Variants in LOC728743 observed in about 807,000 individuals in gnomAD.
chr7:150,410,115 T>A, the LOC728743 span: 5 of 398,764 alleles, frequency 1.3e-5, no homozygotes, highest in Non-Finnish European at 1.8e-5. Context: ...CAGGGCCATG[T>A]CACGGCTCCA....
the LOC728743 span, chr7:150,408,473 A>G: frequency 3.1e-6 from 1 of 317,506 alleles, no homozygotes; most frequent in Non-Finnish European, 5.7e-6. Context: ...TCTCTGGCCC[A>G]TCCGGCCTAG....
At chr7:150,408,058 G>GCCCGCGCCGCA in the LOC728743 span, 2 of 387,284 alleles carry the variant, frequency 5.2e-6, no homozygotes, top group Non-Finnish European at 9.1e-6. Flanking sequence ...ACGCGCGCAT[G>GCCCGCGCCGCA]CCCGCGCCGC....
At chr7:150,407,324 G>A in the LOC728743 span, among the ~76,000 whole-genome samples, 1 of 152,194 alleles carries the variant, frequency 6.6e-6, no homozygotes, top group Non-Finnish European at 1.5e-5. Flanking sequence ...TTTAAGCCCG[G>A]GGTGGAAAGG....
the LOC728743 span, among the ~76,000 whole-genome samples, chr7:150,402,601 G>A: frequency 2.6e-5 from 4 of 152,336 alleles, no homozygotes; most frequent in East Asian, 7.7e-4. Context: ...TAACCTGGTG[G>A]GGAAAACAAA....
the LOC728743 span, among the ~76,000 whole-genome samples, chr7:150,402,463 G>A: frequency 6.6e-6 from 1 of 152,180 alleles, no homozygotes; most frequent in African/African-American, 2.4e-5. Context: ...TCTCTGCGCC[G>A]CCTGAGCTAT....
the LOC728743 span, chr7:150,410,589 G>A: frequency 0.016 from 2,919 of 186,810 alleles, 85 homozygotes; most frequent in African/African-American, 0.063. Flanking sequence ...CCTGGTTCTA[G>A]AGGCAAAACC....
At chr7:150,403,463 G>GA in the LOC728743 span, among the ~76,000 whole-genome samples, 1 of 152,198 alleles carries the variant, frequency 6.6e-6, no homozygotes, top group African/African-American at 2.4e-5. This position sits in a 1 kb window ranked among gnomAD's most constrained non-coding sequence, Gnocchi z 5.1. Context: ...TTTTGCTTTT[G>GA]AAAAACATGG....
chr7:150,410,186 C>G, the LOC728743 span: 1 of 398,608 alleles, frequency 2.5e-6, no homozygotes. Flanking sequence ...ATCTTAAGAC[C>G]CGATAGGTGC....
At chr7:150,408,275 C>T in the LOC728743 span, 2 of 376,624 alleles carry the variant, frequency 5.3e-6, no homozygotes, top group African/African-American at 2.1e-5. Flanking sequence ...ACGTGCGTCC[C>T]CGACCCCTGG....
the LOC728743 span, chr7:150,405,240 G>T: frequency 1.3e-5 from 2 of 152,186 alleles, no homozygotes; most frequent in Non-Finnish European, 1.5e-5. Flanking sequence ...CCAGCCTCAC[G>T]GGGCTGCTGT....
the LOC728743 span, chr7:150,408,223 A>G: frequency 2.6e-6 from 1 of 390,888 alleles, no homozygotes; most frequent in Non-Finnish European, 4.5e-6. Context: ...GCGTGCTATG[A>G]TGCGCCCGGG....
At chr7:150,408,476 C>T in the LOC728743 span, 2 of 310,942 alleles carry the variant, frequency 6.4e-6, no homozygotes, top group East Asian at 5.1e-5. Context: ...CTGGCCCATC[C>T]GGCCTAGAGC....
chr7:150,406,237 G>C, the LOC728743 span, among the ~76,000 whole-genome samples: 15 of 152,210 alleles, frequency 9.9e-5, 1 homozygote, highest in Non-Finnish European at 2.2e-4. Context: ...TGGAAGTGAA[G>C]AGAGGCCTTC....
At chr7:150,403,841 C>T in the LOC728743 span, among the ~76,000 whole-genome samples, 7 of 152,102 alleles carry the variant, frequency 4.6e-5, no homozygotes, top group East Asian at 1.9e-4. This position sits in a 1 kb window ranked among gnomAD's most constrained non-coding sequence, Gnocchi z 5.1. Flanking sequence ...ACAAGCCAGA[C>T]GGGTGGGGCC....
At chr7:150,406,777 G>C in the LOC728743 span, among the ~76,000 whole-genome samples, 1 of 152,174 alleles carries the variant, frequency 6.6e-6, no homozygotes, top group Non-Finnish European at 1.5e-5. Flanking sequence ...GCTCAGCCTT[G>C]GGCCAGGCTT....
the LOC728743 span, chr7:150,411,158 G>A: frequency 3.3e-5 from 5 of 152,346 alleles, no homozygotes; most frequent in African/African-American, 1.2e-4. Context: ...ATTTCACTGT[G>A]TGGTCTCAGG....
the LOC728743 span, among the ~76,000 whole-genome samples, chr7:150,406,680 AAC>A: frequency 6.6e-6 from 1 of 152,278 alleles, no homozygotes; most frequent in African/African-American, 2.4e-5. Context: ...ATTTAAGAGG[AAC>A]ACAGTGTCCT....
At chr7:150,409,752 C>T in the LOC728743 span, among the ~76,000 whole-genome samples, 7 of 151,928 alleles carry the variant, frequency 4.6e-5, no homozygotes, top group South Asian at 2.1e-4. Flanking sequence ...GCTGGGGCTT[C>T]GAGGGGACCT....
chr7:150,412,003 G>A, the LOC728743 span: 6 of 152,462 alleles, frequency 3.9e-5, no homozygotes, highest in African/African-American at 1.2e-4. Flanking sequence ...CCCTGCCCCC[G>A]AACTGCGTGC....
Sources: allele counts gnomAD v4.1 joint callset (sites outside exome capture counted in the v4.1 genomes callset), GRCh38; gene constraint gnomAD v4.1.1; non-coding constraint Gnocchi (gnomAD v3.1); transcripts MANE v1.5.